The following NFATC2 variants were observed in gnomAD, a reference collection of about 807,000 sequenced individuals.
The protein encoded by NFATC2 is nuclear factor of activated T cells 2, also known as nuclear factor of activated T-cells, cytoplasmic 2.
NFATC2 carries 22 observed loss-of-function variants against 87.3 expected under a neutral mutation model. That is an observed-to-expected ratio of 0.25 (90% CI 0.18 to 0.36). NFATC2 has a LOEUF of 0.36. Ranked by LOEUF, NFATC2 falls within the 10% of genes least tolerant of loss-of-function variation. NFATC2 has a pLI of 1.00. For synonymous variants in NFATC2, 565 were observed against 542.2 expected (o/e 1.04, Z -0.58); for missense variants, 1,149 against 1,259.1 (o/e 0.91, Z 1.32).
intron 6 of NFATC2, among the ~76,000 whole-genome samples, chr20:51,442,626 C>T (rs977135801): frequency 1.3e-5 from 2 of 151,822 alleles, no homozygotes; most frequent in Non-Finnish European, 2.9e-5. Context: ...ACCTTCATGC[C>T]TTTCTTCACT....
At position 51,391,377 on chromosome 20, in the gene NFATC2, C is replaced by T. The variant is rs1986299818; in HGVS notation, c.*119G>A. ...CCGAGGGGTCAGATACAGAAGGTGT[C>T]TTGCTATAATGGCTTCTTTTACGTC... On this transcript the variant is annotated 3_prime_UTR_variant, in exon 11 of 11. Transcript: ENST00000371564. 6.7e-7 allele frequency: 1 copy of T among 1,497,198 alleles called. No individual in the cohort carries two copies. Among genetic ancestry groups the T allele is most frequent in the Non-Finnish European group, 9.0e-7 (1 of 1,107,278 alleles). 92.7% of individuals were successfully genotyped at this position (1,497,198 alleles called of 1,614,324 possible).
At chr20:51,532,702 C>G (rs984103484) in intron 1 of NFATC2, among the ~76,000 whole-genome samples, 1 of 152,188 alleles carries the variant, frequency 6.6e-6, no homozygotes, top group South Asian at 2.1e-4. Flanking sequence ...GCCAACAGAT[C>G]ACTTTTGAAA....
rs369140336 is a variant in NFATC2 at position 51,432,803 on chromosome 20, C to A, written c.2033-47G>T. The A allele has an allele frequency of 1.1e-3, 1,648 of 1,470,946 alleles. 6 individuals carry two copies. Among genetic ancestry groups the A allele is most frequent in the Middle Eastern group, 3.2e-3 (13 of 4,026 alleles). 91.1% of individuals were successfully genotyped at this position (1,470,946 alleles called of 1,614,324 possible). A position where few individuals can be genotyped will look rare whatever the true frequency, so the allele number is the denominator to read the frequency against. On this transcript the variant is annotated intron_variant, in intron 8 of 10. Transcript: ENST00000371564. This position sits in a 1 kb window ranked among gnomAD's most constrained non-coding sequence, Gnocchi z 4.6. ...TAGGGGCGCCCATGGCAGTGAGCCA[C>A]GGATGTGCACGGAGGATTCGTGGAT...
rs751559761 is a variant in NFATC2 at position 51,475,486 on chromosome 20, A to G, written c.1507T>C (p.Leu503=). ...GCCCTCATGTTGTTTTTGGGCTCCA[A>G]GGGTATCTCCAGGACTTTGGTGTTG... The part of the protein sequence containing the change: ...VGNTKVLEIP[L]EPKNNMRATI... Residue 503 remains leucine (L), a synonymous_variant, in exon 4 of 11, where the codon TTG becomes CTG. Transcript: ENST00000371564. 6.2e-7 allele frequency: 1 copy of G among 1,613,910 alleles called. No individual in the cohort carries two copies. The highest frequency in any genetic ancestry group is 1.7e-5 in the Admixed American group (1 of 59,988).
At chr20:51,532,995 G>C (rs946441776) in intron 1 of NFATC2, among the ~76,000 whole-genome samples, 1 of 152,236 alleles carries the variant, frequency 6.6e-6, no homozygotes, top group African/African-American at 2.4e-5. Flanking sequence ...CCCACGGCTT[G>C]ATGAGCTCAC....
chr20:51,544,759 T>C (rs1216712530), upstream of NFATC2, among the ~76,000 whole-genome samples: 1 of 152,176 alleles, frequency 6.6e-6, no homozygotes, highest in East Asian at 1.9e-4. Flanking sequence ...TCAGAATGTT[T>C]GGGGTTGGGA....
intron 3 of NFATC2, among the ~76,000 whole-genome samples, chr20:51,492,216 G>A (rs2075903866): frequency 6.6e-6 from 1 of 151,854 alleles, no homozygotes; most frequent in Non-Finnish European, 1.5e-5. Flanking sequence ...CGAGGTCCCT[G>A]GCTGCCAGGG....
rs756373428 is a variant in NFATC2, at chr20:51,516,807, T to C, written c.1309A>G (p.Thr437Ala). Residue 437 changes from threonine (T) to alanine (A), a missense_variant, in exon 3 of 11, where the codon ACT (threonine) becomes GCT (alanine). Thr to Ala is a moderately conservative substitution (Grantham distance 58, BLOSUM62 0). Transcript: ENST00000371564. Reference protein sequence around the residue: ...EGSRGAVKAPTGGHPVVQLHG... With the variant: ...EGSRGAVKAPAGGHPVVQLHG... ...ACCTGAACCACAGGGTGGCCTCCAG[T>C]TGGAGCTTTGACAGCCCCTCGGCTG... is the stretch of plus-strand genomic sequence containing the variant. 5 of 1,611,910 alleles carry C rather than the reference T, an allele frequency of 3.1e-6. No homozygotes were observed. The highest frequency in any genetic ancestry group is 1.7e-5 in the Admixed American group (1 of 59,708).
intron 3 of NFATC2, among the ~76,000 whole-genome samples, chr20:51,516,198 A>C (rs1175987104): frequency 6.6e-6 from 1 of 152,196 alleles, no homozygotes; most frequent in African/African-American, 2.4e-5. Flanking sequence ...GATTAAGAAA[A>C]AAACAAAAGG....
In NFATC2 at chr20:51,499,072, G is replaced by C. The variant is rs564004432; in HGVS notation, c.1332+17712C>G. 5.9e-5 allele frequency among the ~76,000 whole-genome samples: 9 copies of C among 152,306 alleles called. No individual in the cohort carries two copies. In the East Asian group the frequency reaches 1.7e-3, roughly 29 times the overall value. ...AGGAAGAGAGGCAGGCAGGGACCGGGTGACACGGCCTGGTCCACGGTGAGG... is the reference window on the plus strand; with the variant it reads ...AGGAAGAGAGGCAGGCAGGGACCGGCTGACACGGCCTGGTCCACGGTGAGG... On this transcript the variant is annotated intron_variant, in intron 3 of 10. Coordinates refer to ENST00000371564, the MANE Select transcript of NFATC2 (RefSeq NM_012340.5).
At chr20:51,477,561 AT>A (rs1295572863) in intron 3 of NFATC2, among the ~76,000 whole-genome samples, 12 of 124,018 alleles carry the variant, frequency 9.7e-5, no homozygotes, top group African/African-American at 3.2e-4. Flanking sequence ...ATATATATAT[AT>A]ATATATATAT....
chr20:51,534,202 A>C (rs1007830386), intron 1 of NFATC2, among the ~76,000 whole-genome samples: 1 of 137,684 alleles, frequency 7.3e-6, no homozygotes, highest in Admixed American at 7.6e-5. Context: ...GACCACAAAA[A>C]GTCAGGGCAA....
intron 5 of NFATC2, among the ~76,000 whole-genome samples, chr20:51,467,966 T>C (rs78937289): frequency 0.033 from 5,037 of 152,300 alleles, 208 homozygotes; most frequent in East Asian, 0.13. Flanking sequence ...AATTGAATAG[T>C]AGTGCTCAGC....
At chr20:51,510,680 G>A (rs1193797105) in intron 3 of NFATC2, among the ~76,000 whole-genome samples, 1 of 152,176 alleles carries the variant, frequency 6.6e-6, no homozygotes, top group African/African-American at 2.4e-5. Context: ...GGAGTGCAGT[G>A]GCACGATCAC....
chr20:51,478,549 T>C (rs1201342304), intron 3 of NFATC2, among the ~76,000 whole-genome samples: 1 of 152,188 alleles, frequency 6.6e-6, no homozygotes, highest in Non-Finnish European at 1.5e-5. Flanking sequence ...CCCGCTCTTG[T>C]TGGCACACCT....
At chr20:51,436,390 TCTA>T (rs1313242308) in intron 6 of NFATC2, among the ~76,000 whole-genome samples, 3 of 89,820 alleles carry the variant, frequency 3.3e-5, no homozygotes, top group South Asian at 5.2e-4. Flanking sequence ...TGTCTATCTT[TCTA>T]TTTTTTTTTT....
intron 3 of NFATC2, among the ~76,000 whole-genome samples, chr20:51,492,886 G>C (rs1326600318): frequency 1.3e-5 from 2 of 152,246 alleles, no homozygotes; most frequent in African/African-American, 4.8e-5. Context: ...CTTTCATGTC[G>C]CCCTGGGTTC....
intron 3 of NFATC2, among the ~76,000 whole-genome samples, chr20:51,479,758 G>A (rs911170553): frequency 2.0e-5 from 3 of 152,172 alleles, no homozygotes; most frequent in Non-Finnish European, 4.4e-5. Context: ...CATTTTACAG[G>A]TGAGGAAACT....
In NFATC2 at chr20:51,398,720, G is replaced by GTCTATCAGCTCTGAAAAAGA. The variant is rs1568926850; in HGVS notation, c.2723-10_2732dup (p.Thr912LeufsTer5). The GTCTATCAGCTCTGAAAAAGA allele has an allele frequency of 6.2e-7, 1 of 1,610,218 alleles. No homozygotes were observed. Among genetic ancestry groups the GTCTATCAGCTCTGAAAAAGA allele is most frequent in the Admixed American group, 1.7e-5 (1 of 59,910 alleles). On this transcript the variant is annotated stop_gained and frameshift_variant, in exon 10 of 11. Coordinates refer to ENST00000371564, the MANE Select transcript of NFATC2 (RefSeq NM_012340.5). LOFTEE classifies it high-confidence loss of function. The stretch of plus-strand genomic sequence containing the variant: ...TGTTTTGTATCCAGCTAAGGTGTGT[G>GTCTATCAGCTCTGAAAAAGA]TCTATCAGCTCTGAAAAAGATTTGC...
Sources: gnomAD v4.1 joint callset for allele counts (sites outside exome capture counted in the v4.1 genomes callset) on GRCh38, gnomAD v4.1.1 for gene constraint, Gnocchi (gnomAD v3.1) non-coding constraint, MANE v1.5 for transcripts, NCBI Gene and HGNC (gene_info 2026-07-23, HGNC 2026-07-21) for gene names.